Variants in SLC4A4 observed in about 807,000 individuals in gnomAD.
The protein encoded by SLC4A4 is electrogenic sodium bicarbonate cotransporter 1.
In SLC4A4, 27 loss-of-function variants were observed where a neutral mutation model predicts 111.5. The ratio of observed to expected loss-of-function variants is 0.24; its 90% CI spans 0.18 to 0.33. The LOEUF (loss-of-function observed/expected upper bound fraction) is 0.33. SLC4A4 is among the 10% of genes least tolerant of loss of function. The pLI, the probability that SLC4A4 is intolerant of heterozygous loss-of-function variation, is 1.00. For synonymous variants in SLC4A4, 443 were observed against 463.4 expected (o/e 0.96, Z 0.57); for missense variants, 909 against 1,315.5 (o/e 0.69, Z 4.78).
chr4:71,380,943 A>G (rs1355037548), intron 6 of SLC4A4, among the ~76,000 whole-genome samples: 1 of 152,196 alleles, frequency 6.6e-6, no homozygotes, highest in Non-Finnish European at 1.5e-5. Context: ...GTGTTTCTCA[A>G]TGAAGGACAA....
chr4:71,294,962 C>G (rs1724658833), intron 3 of SLC4A4, among the ~76,000 whole-genome samples: 1 of 152,174 alleles, frequency 6.6e-6, no homozygotes, highest in African/African-American at 2.4e-5. Flanking sequence ...ATTTACAACT[C>G]ATTGCTTTTC....
intron 16 of SLC4A4, among the ~76,000 whole-genome samples, chr4:71,522,291 T>C (rs1192366581): frequency 6.6e-6 from 1 of 152,216 alleles, no homozygotes; most frequent in Non-Finnish European, 1.5e-5. Flanking sequence ...GCATAATCTG[T>C]GATTTTCTGT....
intron 2 of SLC4A4, among the ~76,000 whole-genome samples, chr4:71,140,769 T>C (rs1172581161): frequency 1.3e-5 from 2 of 152,158 alleles, no homozygotes; most frequent in African/African-American, 4.8e-5. Context: ...ATATGACCAC[T>C]TCTCATCACC....
chr4:71,084,754 G>A (rs571285491), intron 1 of SLC4A4, among the ~76,000 whole-genome samples: 20 of 151,974 alleles, frequency 1.3e-4, no homozygotes, highest in African/African-American at 4.1e-4. Flanking sequence ...TTATGGCTGC[G>A]TAGTATTCCA....
chr4:71,149,793 T>C (rs963930625), intron 2 of SLC4A4, among the ~76,000 whole-genome samples: 3 of 152,182 alleles, frequency 2.0e-5, no homozygotes, highest in East Asian at 1.9e-4. Context: ...TTTCTGTTCT[T>C]ATCACCATGA....
At chr4:71,280,936 A>G (rs1000856328) in intron 3 of SLC4A4, among the ~76,000 whole-genome samples, 25 of 152,234 alleles carry the variant, frequency 1.6e-4, no homozygotes, top group African/African-American at 5.3e-4. Context: ...GTTCTCATAA[A>G]GTTATTATGT....
rs554131835 is a variant in SLC4A4, at chr4:71,286,633, G to T, written c.253+31234G>T. ...ATTCAGAAAACACTGCCTCCTATTT[G>T]TGTATAGCTATACCATTAAACAGTA... On this transcript the variant is annotated intron_variant, in intron 3 of 25. Coordinates refer to ENST00000264485, the MANE Select transcript of SLC4A4 (RefSeq NM_001098484.3). Among the ~76,000 whole-genome samples the T allele has an allele frequency of 4.0e-4, 61 of 152,254 alleles. 1 individual carries two copies. The highest frequency in any genetic ancestry group is 1.4e-3 in the African/African-American group (60 of 41,544).
At chr4:71,091,180 T>C (rs576062226) in intron 1 of SLC4A4, among the ~76,000 whole-genome samples, 1 of 152,228 alleles carries the variant, frequency 6.6e-6, no homozygotes, top group Admixed American at 6.5e-5. Context: ...ACTCCTGGCC[T>C]CAGGTGATCC....
chr4:71,133,986 T>C (rs999123771), intron 2 of SLC4A4, among the ~76,000 whole-genome samples: 4 of 152,198 alleles, frequency 2.6e-5, no homozygotes, highest in Non-Finnish European at 2.9e-5. Context: ...ACTATGCTCC[T>C]GGCTTGCAAA....
chr4:71,543,317 C>T (rs1735230487), intron 18 of SLC4A4, among the ~76,000 whole-genome samples: 1 of 152,030 alleles, frequency 6.6e-6, no homozygotes, highest in African/African-American at 2.4e-5. Context: ...GAGGTAGAGG[C>T]AGACCAGGTA....
At chr4:71,292,206 G>C (rs757610957) in intron 3 of SLC4A4, among the ~76,000 whole-genome samples, 5 of 152,166 alleles carry the variant, frequency 3.3e-5, no homozygotes, top group Non-Finnish European at 5.9e-5. Flanking sequence ...TGAAAATGTA[G>C]TACTTTTCTG....
chr4:71,414,438 A>C (rs1721660878), intron 7 of SLC4A4, among the ~76,000 whole-genome samples: 1 of 152,244 alleles, frequency 6.6e-6, no homozygotes, highest in Non-Finnish European at 1.5e-5. Context: ...TGCACAAGAT[A>C]GGCATTCTGC....
At chr4:71,219,190 T>A (rs1718598879) in intron 1 of SLC4A4, among the ~76,000 whole-genome samples, 1 of 152,210 alleles carries the variant, frequency 6.6e-6, no homozygotes, top group African/African-American at 2.4e-5. Flanking sequence ...GGTCAAGAGT[T>A]AGGCCTCTTG....
intron 3 of SLC4A4, among the ~76,000 whole-genome samples, chr4:71,269,109 T>C (rs1722513113): frequency 6.6e-6 from 1 of 152,204 alleles, no homozygotes; most frequent in Non-Finnish European, 1.5e-5. Context: ...CTATACTAAC[T>C]ATATGGTGAA....
chr4:71,284,340 T>C (rs1723744617), intron 3 of SLC4A4, among the ~76,000 whole-genome samples: 1 of 152,216 alleles, frequency 6.6e-6, no homozygotes, highest in African/African-American at 2.4e-5. Flanking sequence ...TGATCATAAT[T>C]CACACTCCCA....
At chr4:71,071,480 C>T (rs6812616) in intron 1 of SLC4A4, among the ~76,000 whole-genome samples, 12,770 of 151,872 alleles carry the variant, frequency 0.084, 1,894 homozygotes, top group African/African-American at 0.29. Flanking sequence ...TTTTTTATTG[C>T]TTTGAGTAGG....
intron 7 of SLC4A4, among the ~76,000 whole-genome samples, chr4:71,435,169 C>G (rs1724008022): frequency 6.6e-6 from 1 of 152,104 alleles, no homozygotes; most frequent in African/African-American, 2.4e-5. Context: ...TACTACAAGG[C>G]TACAGTAACC....
intron 12 of SLC4A4, 109 bp from the exon 13 acceptor site, chr4:71,466,335 C>A: frequency 8.1e-7 from 1 of 1,231,278 alleles, no homozygotes; most frequent in Non-Finnish European, 1.2e-6. Flanking sequence ...GATATGTTTG[C>A]TAAGACCCTC....
chr4:71,187,535 G>C (rs1316861993), intron 1 of SLC4A4, 134 bp downstream of exon 1: 1 of 152,970 alleles, frequency 6.5e-6, no homozygotes, highest in Non-Finnish European at 1.5e-5. Context: ...GAGGGAGAGA[G>C]AGGTCAATTG....
Sources: gnomAD v4.1 joint callset for allele counts (sites outside exome capture counted in the v4.1 genomes callset) on GRCh38, gnomAD v4.1.1 for gene constraint, MANE v1.5 for transcripts, NCBI Gene and HGNC (gene_info 2026-07-23, HGNC 2026-07-21) for gene names.